RELN: variants seen among roughly 807,000 people sequenced by gnomAD.
The protein encoded by RELN is reelin.
Under a neutral mutation model 427.6 loss-of-function variants are expected in RELN, and 108 were observed. The ratio of observed to expected loss-of-function variants is 0.25; its 90% CI spans 0.22 to 0.30. The LOEUF (loss-of-function observed/expected upper bound fraction) is 0.30, where lower values mean the gene tolerates loss of function less well. Among genes scored for constraint, RELN ranks in the 10% least tolerant of loss-of-function variants. The probability of loss-of-function intolerance (pLI) is 1.00; values close to 1 mark genes in which losing one functional copy is unlikely to be tolerated. For synonymous variants in RELN, 1,524 were observed against 1,513.4 expected (o/e 1.01, Z -0.16); for missense variants, 3,715 against 4,302.8 (o/e 0.86, Z 3.82).
At chr7:103,811,549 T>A (rs1019691973) in intron 3 of RELN, among the ~76,000 whole-genome samples, 1 of 152,190 alleles carries the variant, frequency 6.6e-6, no homozygotes, top group African/African-American at 2.4e-5. Context: ...GACTGCAAAG[T>A]AACCACCAGT....
chr7:103,989,464 G>A lies in RELN; in HGVS notation c.-108C>T, dbSNP rs1362450614. The stretch of plus-strand genomic sequence containing the variant: ...CGCGGAGAGAAGGCGAGAAGAAGGC[G>A]GACGGGAGCGGAACGGGCTCGGGAG... On this transcript the variant is annotated 5_prime_UTR_variant, in exon 1 of 65. Transcript: ENST00000428762. This position sits in a 1 kb window ranked among gnomAD's most constrained non-coding sequence, Gnocchi z 4.9. The A allele has an allele frequency of 5.1e-6, 5 of 976,762 alleles. No homozygotes were observed. The highest frequency in any genetic ancestry group is 6.9e-6 in the Non-Finnish European group (5 of 725,600). The allele number at this position is 976,762 out of a possible 1,614,324, so 60.5% of individuals were successfully genotyped here.
At chr7:103,554,728 C>T (rs921298901) in intron 38 of RELN, among the ~76,000 whole-genome samples, 4 of 152,070 alleles carry the variant, frequency 2.6e-5, no homozygotes, top group African/African-American at 9.7e-5. Flanking sequence ...TGCTATGAAC[C>T]CTCCCCTGGC....
intron 2 of RELN, among the ~76,000 whole-genome samples, chr7:103,836,564 G>T (rs1056017272): frequency 2.6e-5 from 4 of 152,042 alleles, no homozygotes; most frequent in Non-Finnish European, 4.4e-5. Context: ...AGCACTTCTT[G>T]CCCCCATGTC....
chr7:103,540,793 T>G (rs1830160980), intron 43 of RELN, among the ~76,000 whole-genome samples: 1 of 151,900 alleles, frequency 6.6e-6, no homozygotes, highest in Admixed American at 6.6e-5. Flanking sequence ...AGTGTGGGAG[T>G]GTGTGTTGTC....
intron 2 of RELN, among the ~76,000 whole-genome samples, chr7:103,914,851 C>T (rs1487867046): frequency 2.0e-5 from 3 of 152,158 alleles, no homozygotes. Context: ...CTTGCCATAT[C>T]AGAATTTTTA....
Position 103,565,481 on chromosome 7 carries a change from G to A in RELN, c.5007C>T (p.Ser1669=), listed in dbSNP as rs767066397. ...TGCTGAAGGGCTTGCTACAGCCCAT[G>A]CTCATTTCAAACTGCAAAAAGGTAG... ...SASTFLQFEM[S]MGCSKPFSNS... Residue 1669 remains serine (S), a synonymous_variant, in exon 34 of 65, where the codon AGC becomes AGT. Transcript: ENST00000428762. The A allele has an allele frequency of 3.7e-6, 6 of 1,613,798 alleles. No homozygotes were observed. In the East Asian group the frequency reaches 1.3e-4, roughly 36 times the overall value.
intron 2 of RELN, among the ~76,000 whole-genome samples, chr7:103,906,059 G>T (rs1795198044): frequency 6.6e-6 from 1 of 152,096 alleles, no homozygotes; most frequent in South Asian, 2.1e-4. Flanking sequence ...ATTTTAATTA[G>T]TGCAAGGGGG....
chr7:103,917,046 C>A (rs756555684), intron 2 of RELN, 29 bp downstream of exon 2: 2 of 1,529,840 alleles, frequency 1.3e-6, no homozygotes, highest in Non-Finnish European at 1.8e-6. Flanking sequence ...AAAATACCCC[C>A]AAATTTCTGG....
At position 103,604,199 on chromosome 7, in the gene RELN, A is replaced by G. The variant is rs140956358; in HGVS notation, c.3146+147T>C. 607 of 905,886 alleles carry G rather than the reference A, an allele frequency of 6.7e-4. 5 individuals carry two copies. The East Asian group carries it at 0.013, about 19-fold the overall frequency. 56.1% of individuals were successfully genotyped at this position (905,886 alleles called of 1,614,324 possible). A position where few individuals can be genotyped will look rare whatever the true frequency, so the allele number is the denominator to read the frequency against. ...ATGTAACAATAGCTTTTACATCTAA[A>G]ATACAAACAGAAAGGAGGACTTGTT... On this transcript the variant is annotated intron_variant, in intron 23 of 64. Transcript: ENST00000428762.
intron 8 of RELN, among the ~76,000 whole-genome samples, chr7:103,721,147 T>C (rs1790065776): frequency 6.6e-6 from 1 of 152,122 alleles, no homozygotes; most frequent in Non-Finnish European, 1.5e-5. Context: ...CTGAAAAGAT[T>C]TATAAATGTA....
chr7:103,720,631 ATAATCT>A (rs1790052769), intron 8 of RELN, among the ~76,000 whole-genome samples: 2 of 152,168 alleles, frequency 1.3e-5, no homozygotes, highest in African/African-American at 2.4e-5. Flanking sequence ...TTTTTATAAC[ATAATCT>A]TAATATAATT....
At chr7:103,927,320 T>C (rs571602245) in intron 1 of RELN, among the ~76,000 whole-genome samples, 274 of 152,324 alleles carry the variant, frequency 1.8e-3, no homozygotes, top group African/African-American at 6.4e-3. Flanking sequence ...TAGAAGACTC[T>C]CTATTCCACA....
At chr7:103,847,270 C>G (rs1397850778) in intron 2 of RELN, among the ~76,000 whole-genome samples, 1 of 152,144 alleles carries the variant, frequency 6.6e-6, no homozygotes, top group Non-Finnish European at 1.5e-5. Flanking sequence ...TTTGCAGGGA[C>G]ATGGATGAAG....
chr7:103,602,590 C>T (rs1289132209), intron 24 of RELN, among the ~76,000 whole-genome samples: 2 of 152,088 alleles, frequency 1.3e-5, no homozygotes, highest in Admixed American at 1.3e-4. Context: ...AACAGAAAAC[C>T]AGACACCACA....
intron 10 of RELN, among the ~76,000 whole-genome samples, chr7:103,692,942 A>T (rs372563099): frequency 6.6e-6 from 1 of 152,088 alleles, no homozygotes; most frequent in African/African-American, 2.4e-5. Context: ...CTAGGAAGGG[A>T]ATAGAGAAAT....
intron 2 of RELN, among the ~76,000 whole-genome samples, chr7:103,838,208 C>CAAAAAA (rs58553259): frequency 2.5e-5 from 2 of 81,082 alleles, no homozygotes; most frequent in African/African-American, 1.0e-4. Flanking sequence ...GACTTCGTCT[C>CAAAAAA]AAAAAAAAAA....
At chr7:103,572,662 G>T (rs1263224132) in intron 30 of RELN, among the ~76,000 whole-genome samples, 1 of 151,406 alleles carries the variant, frequency 6.6e-6, no homozygotes, top group Non-Finnish European at 1.5e-5. Flanking sequence ...TCAGCATCCC[G>T]AGTAGCTGGG....
chr7:103,579,605 A>G (rs552574038), intron 28 of RELN, among the ~76,000 whole-genome samples: 1 of 152,052 alleles, frequency 6.6e-6, no homozygotes, highest in Non-Finnish European at 1.5e-5. Context: ...TCTCCAAAAA[A>G]AAAAAAAAAA....
intron 9 of RELN, among the ~76,000 whole-genome samples, chr7:103,699,535 C>T (rs1834048189): frequency 6.6e-6 from 1 of 152,058 alleles, no homozygotes. Context: ...TTCAGCTGAA[C>T]ACAATCTTTA....
Sources: allele counts gnomAD v4.1 joint callset (sites outside exome capture counted in the v4.1 genomes callset), GRCh38; gene constraint gnomAD v4.1.1; non-coding constraint Gnocchi (gnomAD v3.1); transcripts MANE v1.5; gene names NCBI Gene and HGNC (gene_info 2026-07-23, HGNC 2026-07-21).